MYO15A: variants seen among roughly 807,000 people sequenced by gnomAD.
The protein encoded by MYO15A is unconventional myosin-XV.
Under a neutral mutation model 394.6 loss-of-function variants are expected in MYO15A, and 308 were observed. The observed-to-expected ratio is 0.78, with a 90% confidence interval of 0.71 to 0.86. The LOEUF (loss-of-function observed/expected upper bound fraction) is 0.86, where lower values mean the gene tolerates loss of function less well. Among genes scored for constraint, MYO15A ranks in the 40% least tolerant of loss-of-function variants. MYO15A has a pLI of 0.00. For synonymous variants in MYO15A, 1,957 were observed against 2,003.8 expected (o/e 0.98, Z 0.62); for missense variants, 4,606 against 4,799.1 (o/e 0.96, Z 1.19).
At position 18,150,817 on chromosome 17, in the gene MYO15A, C is replaced by T. The variant is rs759587067; in HGVS notation, c.7396-19C>T. 5 of 1,588,966 alleles carry T rather than the reference C, an allele frequency of 3.1e-6. No homozygotes were observed. In the African/African-American group the frequency reaches 5.4e-5, roughly 17 times the overall value. ...GTGGAGAATGGACCTGCCTGGTCACCACTGCCACCTCTCCCCAGGCCCGGG... is the reference window on the plus strand; with the variant it reads ...GTGGAGAATGGACCTGCCTGGTCACTACTGCCACCTCTCCCCAGGCCCGGG... On this transcript the variant is annotated intron_variant, in intron 37 of 65. Coordinates refer to ENST00000647165, the MANE Select transcript of MYO15A (RefSeq NM_016239.4). This position sits in a 1 kb window ranked among gnomAD's most constrained non-coding sequence, Gnocchi z 4.4.
rs370351502 is a variant in MYO15A, at chr17:18,150,828, C to G, written c.7396-8C>G. On this transcript the variant is annotated splice_polypyrimidine_tract_variant and splice_region_variant and intron_variant, in intron 37 of 65. Transcript: ENST00000647165. This position sits in a 1 kb window ranked among gnomAD's most constrained non-coding sequence, Gnocchi z 4.4. ...ACCTGCCTGGTCACCACTGCCACCTCTCCCCAGGCCCGGGAGATGACCCTG... is the reference window on the plus strand; with the variant it reads ...ACCTGCCTGGTCACCACTGCCACCTGTCCCCAGGCCCGGGAGATGACCCTG... 3.7e-4 allele frequency: 581 copies of G among 1,591,148 alleles called. No individual in the cohort carries two copies. Among genetic ancestry groups the G allele is most frequent in the Non-Finnish European group, 4.8e-4 (562 of 1,168,706 alleles).
In MYO15A at chr17:18,143,752, TG is replaced by T. The variant is rs750578677; in HGVS notation, c.6004del (p.Glu2002ArgfsTer27). ...SKREVVAVGH[L>X]EVPAELAGLL... ...CGGGAGGTAGTCGCTGTGGGGCACCTGGAGGTACCGGCTGAGCTGGCTGGGC... is the reference window on the plus strand; with the variant it reads ...CGGGAGGTAGTCGCTGTGGGGCACCTGAGGTACCGGCTGAGCTGGCTGGGC... On this transcript the variant is annotated frameshift_variant, in exon 27 of 66. Coordinates refer to ENST00000647165, the MANE Select transcript of MYO15A (RefSeq NM_016239.4). LOFTEE classifies it high-confidence loss of function. 13 of 1,599,560 alleles carry T rather than the reference TG, an allele frequency of 8.1e-6. No homozygotes were observed. The Admixed American group carries it at 1.2e-4, about 15-fold the overall frequency.
At chr17:18,154,808 CCAG>C (rs1276598370) in intron 45 of MYO15A, 53 bp downstream of exon 45, 1 of 1,575,192 alleles carries the variant, frequency 6.3e-7, no homozygotes, top group Non-Finnish European at 8.7e-7. Flanking sequence ...AGAGGCACAG[CCAG>C]CCCTGTCCCA....
intron 57 of MYO15A, among the ~76,000 whole-genome samples, chr17:18,161,978 T>C (rs777516709): frequency 1.1e-4 from 16 of 152,278 alleles, no homozygotes; most frequent in Non-Finnish European, 2.2e-4. Flanking sequence ...GTAGTCACCA[T>C]GGCAGCCGTG....
intron 2 of MYO15A, chr17:18,124,001 G>A (rs762025486): frequency 4.5e-6 from 1 of 221,454 alleles, no homozygotes; most frequent in Non-Finnish European, 9.3e-6. Flanking sequence ...GCCATTGAGT[G>A]TGGGTCCATA....
At chr17:18,161,922 T>G (rs2046782887) in intron 57 of MYO15A, among the ~76,000 whole-genome samples, 1 of 152,058 alleles carries the variant, frequency 6.6e-6, no homozygotes, top group Admixed American at 6.5e-5. Context: ...CAGCGTTGTT[T>G]CCATAGCAAC....
chr17:18,172,704 C>T (rs1285601362), intron 64 of MYO15A: 1 of 343,958 alleles, frequency 2.9e-6, no homozygotes, highest in East Asian at 7.7e-5. Context: ...TCACTGTGTC[C>T]TCACATGGCC....
chr17:18,172,572 A>C, intron 64 of MYO15A: 1 of 493,682 alleles, frequency 2.0e-6, no homozygotes, highest in Non-Finnish European at 3.7e-6. Context: ...TGCCATAATA[A>C]AAGACCACAG....
intron 50 of MYO15A, 95 bp downstream of exon 50, chr17:18,157,325 A>C (rs1202917686): frequency 6.6e-7 from 1 of 1,513,472 alleles, no homozygotes; most frequent in African/African-American, 1.4e-5. Context: ...TGGTGCCCGA[A>C]AGTGGCCTGG....
At chr17:18,130,722 G>C (rs748014956) in intron 7 of MYO15A, 83 bp from the exon 8 acceptor site, 80 of 1,609,014 alleles carry the variant, frequency 5.0e-5, no homozygotes, top group Admixed American at 1.7e-4. Flanking sequence ...CTAGTCTCCT[G>C]GAGAGAGTGG....
rs11421905 is a variant in MYO15A, at chr17:18,144,357, G to GC, written c.6178-138dup. 1 allele frequency: 820,119 copies of GC among 820,134 alleles called. 410,052 individuals are homozygous for GC. Among genetic ancestry groups the GC allele is most frequent in the Middle Eastern group, 1 (3,500 of 3,500 alleles). The allele number at this position is 820,134 out of a possible 1,614,324, so 50.8% of individuals were successfully genotyped here. On this transcript the variant is annotated intron_variant, in intron 28 of 65. Coordinates refer to ENST00000647165, the MANE Select transcript of MYO15A (RefSeq NM_016239.4). Reference sequence around the variant, plus strand: ...GGGCCACTGTGGTGGCCCCTCACCAGCCTCAGTTTCCCCATCCATACACTG... The same window carrying GC: ...GGGCCACTGTGGTGGCCCCTCACCAGCCCTCAGTTTCCCCATCCATACACTG...
In MYO15A at chr17:18,151,461, A is replaced by T; in HGVS notation, c.7721A>T (p.Gln2574Leu). ...TCTGAGCACTTCCCACAGCCCACAC[A>T]GCAGATCAAGAATATTGTCAGGCAG... The part of the protein sequence containing the change: ...LNSEHFPQPT[Q>L]QIKNIVRQYQ... The change falls in exon 40 of 66, where the codon CAG becomes CTG. Residue 2574 changes from glutamine to leucine, a missense_variant. Physicochemically the swap from Gln to Leu is moderately radical, Grantham distance 113 (BLOSUM62 -2). Transcript: ENST00000647165. 1 of 1,614,164 alleles carries T rather than the reference A, an allele frequency of 6.2e-7. No homozygotes were observed. The highest frequency in any genetic ancestry group is 8.5e-7 in the Non-Finnish European group (1 of 1,180,024).
In MYO15A at chr17:18,118,679, T is replaced by G; in HGVS notation, c.-122T>G. On this transcript the variant is annotated 5_prime_UTR_variant, in exon 2 of 66. Coordinates refer to ENST00000647165, the MANE Select transcript of MYO15A (RefSeq NM_016239.4). ...CACGCCACCCAGGGCCAGTCGGGTC[T>G]GCTCACAGCCCGAGGAGGCCGCGTG... 1 of 1,508,886 alleles carries G rather than the reference T, an allele frequency of 6.6e-7. No individual in the cohort carries two copies. Among genetic ancestry groups the G allele is most frequent in the Non-Finnish European group, 9.0e-7 (1 of 1,114,722 alleles). 93.5% of individuals were successfully genotyped at this position (1,508,886 alleles called of 1,614,324 possible).
rs370573443 is a variant in MYO15A, at chr17:18,119,431, G to T, written c.631G>T (p.Glu211Ter). The change falls in exon 2 of 66, where the codon GAG becomes TAG. Residue 211 changes from glutamate to a stop codon, truncating the protein, a stop_gained. Transcript: ENST00000647165. LOFTEE classifies it high-confidence loss of function. ...EPLGFLPFED[E>*]APFHHSGSRK... is the part of the protein sequence containing the mutation. ...CCTGGGCTTCCTGCCCTTCGAGGACGAGGCCCCATTCCATCACTCGGGCTC... is the reference window on the plus strand; with the variant it reads ...CCTGGGCTTCCTGCCCTTCGAGGACTAGGCCCCATTCCATCACTCGGGCTC... 1.2e-6 allele frequency: 2 copies of T among 1,612,374 alleles called. No individual in the cohort carries two copies. Among genetic ancestry groups the T allele is most frequent in the Admixed American group, 1.7e-5 (1 of 60,018 alleles).
At position 18,121,366 on chromosome 17, in the gene MYO15A, A is replaced by G. The variant is rs1396337719; in HGVS notation, c.2566A>G (p.Ser856Gly). 3 of 1,487,024 alleles carry G rather than the reference A, an allele frequency of 2.0e-6. No homozygotes were observed. The highest frequency in any genetic ancestry group is 2.7e-6 in the Non-Finnish European group (3 of 1,124,960). The allele number at this position is 1,487,024 out of a possible 1,614,324, so 92.1% of individuals were successfully genotyped here. Reference sequence around the variant, plus strand: ...CTCGCCGCCCCTGGGGCTCTGCCACAGCCCGCGGCGCAGCTCCCTGAATCT... The same window carrying G: ...CTCGCCGCCCCTGGGGCTCTGCCACGGCCCGCGGCGCAGCTCCCTGAATCT... ...PPSPPLGLCHSPRRSSLNLPS... is the reference protein window; with the variant it reads ...PPSPPLGLCHGPRRSSLNLPS... The change falls in exon 2 of 66, where the codon AGC becomes GGC. Residue 856 changes from serine to glycine, a missense_variant. Ser to Gly is a moderately conservative substitution (Grantham distance 56). Around this residue, in one of 2 missense-constraint regions of MYO15A, gnomAD observed 1,830 missense variants for 1,689.7 expected, o/e 1.08. Coordinates refer to ENST00000647165, the MANE Select transcript of MYO15A (RefSeq NM_016239.4). The surrounding 1 kb of genome is among the most constrained non-coding windows in gnomAD (Gnocchi z 5.3).
chr17:18,153,878 G>A lies in MYO15A; in HGVS notation c.8070G>A (p.Lys2690=), dbSNP rs781402788. 1 of 1,613,542 alleles carries A rather than the reference G, an allele frequency of 6.2e-7. No individual in the cohort carries two copies. The highest frequency in any genetic ancestry group is 1.3e-5 in the African/African-American group (1 of 74,926). The change falls in exon 43 of 66, where the codon AAG becomes AAA. Residue 2690 remains lysine (K), a synonymous_variant. Coordinates refer to ENST00000647165, the MANE Select transcript of MYO15A (RefSeq NM_016239.4). The surrounding 1 kb of genome is among the most constrained non-coding windows in gnomAD (Gnocchi z 4.1). The part of the protein sequence containing the change: ...NFYGYQDAPW[K]IFLRKEVFYP... ...ACGGCTATCAGGACGCCCCCTGGAA[G>A]ATCTTCCTGCGCAAAGAGGTGCCGA...
At chr17:18,161,132 C>T (rs1201222760) in intron 56 of MYO15A, 185 bp from the exon 57 acceptor site, 3 of 953,792 alleles carry the variant, frequency 3.1e-6, no homozygotes, top group African/African-American at 1.6e-5. Context: ...CCCCTTCTGT[C>T]CCTATCCCCA....
At position 18,156,259 on chromosome 17, in the gene MYO15A, G is replaced by A. The variant is rs766250454; in HGVS notation, c.8524G>A (p.Glu2842Lys). The A allele has an allele frequency of 1.2e-6, 2 of 1,614,210 alleles. No individual in the cohort carries two copies. Residue 2842 changes from glutamate to lysine, a missense_variant, in exon 48 of 66, where the codon GAG (glutamate) becomes AAG (lysine). Physicochemically the swap from Glu to Lys is moderately conservative, Grantham distance 56 (BLOSUM62 1). Transcript: ENST00000647165. ...QNMLEFNLAS[E>K]KVILFSARAH... ...CATGCTGGAGTTCAACCTGGCCAGT[G>A]AGAAGGTCATCCTCTTCTCAGCCCG... is the stretch of plus-strand genomic sequence containing the variant.
Position 18,120,548 on chromosome 17 carries a change from A to G in MYO15A, c.1748A>G (p.Lys583Arg), listed in dbSNP as rs769957684. Residue 583 changes from lysine to arginine, a missense_variant, in exon 2 of 66, where the codon AAG (lysine) becomes AGG (arginine). By Grantham distance (26) the Lys-to-Arg change is conservative. Around this residue, in one of 2 missense-constraint regions of MYO15A, gnomAD observed 1,830 missense variants for 1,689.7 expected, o/e 1.08. Transcript: ENST00000647165. ...TTCCTCAAGAAGACGCTGTCGGAGAAGAAGCCCATCGCGCGGCTCAGGGGC... is the reference window on the plus strand; with the variant it reads ...TTCCTCAAGAAGACGCTGTCGGAGAGGAAGCCCATCGCGCGGCTCAGGGGC... Reference protein sequence around the residue: ...ARFLKKTLSEKKPIARLRGSQ... With the variant: ...ARFLKKTLSERKPIARLRGSQ... 5 of 1,597,564 alleles carry G rather than the reference A, an allele frequency of 3.1e-6. No individual in the cohort carries two copies. The African/African-American group carries it at 6.7e-5, about 21-fold the overall frequency.
Sources: allele counts gnomAD v4.1 joint callset (sites outside exome capture counted in the v4.1 genomes callset), GRCh38; gene constraint gnomAD v4.1.1; regional missense constraint gnomAD v4.1.1; non-coding constraint Gnocchi (gnomAD v3.1); transcripts MANE v1.5; gene names NCBI Gene and HGNC (gene_info 2026-07-23, HGNC 2026-07-21).